PTPRO: variants seen among roughly 807,000 people sequenced by gnomAD.
PTPRO encodes receptor-type tyrosine-protein phosphatase O.
In PTPRO, 62 loss-of-function variants were observed where a neutral mutation model predicts 145.2. The ratio of observed to expected loss-of-function variants is 0.43; its 90% CI spans 0.35 to 0.53. PTPRO has a LOEUF of 0.53. PTPRO is among the 20% of genes least tolerant of loss of function. The pLI is 0.01. For synonymous variants in PTPRO, 565 were observed against 514.7 expected (o/e 1.10, Z -1.32); for missense variants, 1,345 against 1,482.7 (o/e 0.91, Z 1.53).
intron 1 of PTPRO, among the ~76,000 whole-genome samples, chr12:15,325,527 A>C (rs1250480599): frequency 1.3e-5 from 2 of 152,214 alleles, no homozygotes; most frequent in East Asian, 3.8e-4. Flanking sequence ...TTATTTTTAT[A>C]TCAATATTGA....
At chr12:15,529,477 A>AG (rs1942912520) in intron 12 of PTPRO, among the ~76,000 whole-genome samples, 2 of 151,212 alleles carry the variant, frequency 1.3e-5, no homozygotes. Context: ...TAAAAAAAAA[A>AG]AAAAAGGAAA....
intron 19 of PTPRO, among the ~76,000 whole-genome samples, chr12:15,570,500 C>T (rs1340101978): frequency 6.6e-6 from 1 of 152,146 alleles, no homozygotes; most frequent in Non-Finnish European, 1.5e-5. Flanking sequence ...TGAGAAGAAT[C>T]TTATACATTA....
chr12:15,442,031 G>A (rs951743679), intron 1 of PTPRO, among the ~76,000 whole-genome samples: 1 of 151,906 alleles, frequency 6.6e-6, no homozygotes, highest in Non-Finnish European at 1.5e-5. Flanking sequence ...CCAAAACCTG[G>A]CAAAGACACA....
chr12:15,415,055 C>T (rs568863153), intron 1 of PTPRO, among the ~76,000 whole-genome samples: 2 of 152,258 alleles, frequency 1.3e-5, no homozygotes, highest in Admixed American at 1.3e-4. Flanking sequence ...ACGTTCTAAC[C>T]AGGGAAATGG....
At chr12:15,383,256 A>T (rs2136276904) in intron 1 of PTPRO, among the ~76,000 whole-genome samples, 1 of 152,362 alleles carries the variant, frequency 6.6e-6, no homozygotes, top group East Asian at 1.9e-4. Flanking sequence ...CACTAAAAAT[A>T]AAGTCCTCCA....
Position 15,437,454 on chromosome 12 carries a change from C to T in PTPRO, c.76-46520C>T, listed in dbSNP as rs896490323. ...GGTGCAAGGAATCCCTCTCTGTTCA[C>T]ACTCAGGCAGATCACCAGACATTCT... On this transcript the variant is annotated intron_variant, in intron 1 of 26. Coordinates refer to ENST00000281171, the MANE Select transcript of PTPRO (RefSeq NM_030667.3). 2.6e-5 allele frequency among the ~76,000 whole-genome samples: 4 copies of T among 151,750 alleles called. No homozygotes were observed. The East Asian group carries it at 7.8e-4, about 30-fold the overall frequency.
At chr12:15,442,929 A>G (rs1001414558) in intron 1 of PTPRO, among the ~76,000 whole-genome samples, 1 of 152,154 alleles carries the variant, frequency 6.6e-6, no homozygotes, top group Admixed American at 6.5e-5. Context: ...TACTACTCCT[A>G]TCAAGCTACC....
At chr12:15,440,323 G>T in intron 1 of PTPRO, 2 of 484,088 alleles carry the variant, frequency 4.1e-6, no homozygotes, top group East Asian at 4.5e-5. Context: ...CTCCCTATCA[G>T]GAATTCACTG....
At chr12:15,530,937 G>A (rs566979652) in intron 12 of PTPRO, among the ~76,000 whole-genome samples, 1 of 152,026 alleles carries the variant, frequency 6.6e-6, no homozygotes, top group Admixed American at 6.5e-5. Flanking sequence ...ACAACAAAAA[G>A]TTGGTTATTT....
chr12:15,513,108 A>AAAGAAAGG, intron 7 of PTPRO, among the ~76,000 whole-genome samples: 1 of 50,924 alleles, frequency 2.0e-5, no homozygotes, highest in Non-Finnish European at 3.9e-5. Flanking sequence ...AGAAAGAAAG[A>AAAGAAAGG]AAGGAAGGAA....
In PTPRO at chr12:15,501,857, G is replaced by C; in HGVS notation, c.899G>C (p.Trp300Ser). The C allele has an allele frequency of 6.2e-7, 1 of 1,614,080 alleles. No homozygotes were observed. The highest frequency in any genetic ancestry group is 1.7e-5 in the Admixed American group (1 of 60,024). ...DYETTSQPYW[W>S]DSASAAPESE... The stretch of plus-strand genomic sequence containing the variant: ...GAAACTACGTCTCAGCCATATTGGT[G>C]GGACAGTGCATCTGCAGCTCCTGAA... Residue 300 changes from tryptophan (W) to serine (S), a missense_variant, in exon 5 of 27, where the codon TGG (tryptophan) becomes TCG (serine). Trp to Ser is a radical substitution (Grantham distance 177). Transcript: ENST00000281171.
intron 1 of PTPRO, among the ~76,000 whole-genome samples, chr12:15,379,158 C>T (rs1355824878): frequency 6.6e-6 from 1 of 151,896 alleles, no homozygotes; most frequent in Non-Finnish European, 1.5e-5. Context: ...TCATATGACC[C>T]ACACAAAAAT....
intron 1 of PTPRO, among the ~76,000 whole-genome samples, chr12:15,394,153 T>C (rs900682775): frequency 5.9e-5 from 9 of 152,122 alleles, no homozygotes; most frequent in Non-Finnish European, 1.0e-4. Context: ...TTGGAGATTA[T>C]GTTTCAATAT....
chr12:15,588,750 T>C (rs1944482553), intron 24 of PTPRO, among the ~76,000 whole-genome samples: 1 of 152,184 alleles, frequency 6.6e-6, no homozygotes, highest in South Asian at 2.1e-4. Context: ...ATCTGAGGGC[T>C]TAACTCTGAT....
chr12:15,537,195 G>A (rs540623303), intron 12 of PTPRO, among the ~76,000 whole-genome samples: 4 of 152,246 alleles, frequency 2.6e-5, no homozygotes, highest in Admixed American at 1.3e-4. Flanking sequence ...TAAATACTGA[G>A]CAGGCAGTTA....
At position 15,419,716 on chromosome 12, in the gene PTPRO, T is replaced by C. The variant is rs905612512; in HGVS notation, c.76-64258T>C. Reference sequence around the variant, plus strand: ...ACACGAGATACAGCAGAAGAATACGTCAAAGCTAGTTCTTTGGTGTTTTTT... The same window carrying C: ...ACACGAGATACAGCAGAAGAATACGCCAAAGCTAGTTCTTTGGTGTTTTTT... On this transcript the variant is annotated intron_variant, in intron 1 of 26. Transcript: ENST00000281171. Among the ~76,000 whole-genome samples, 33 of 150,140 alleles carry C rather than the reference T, an allele frequency of 2.2e-4. 1 individual carries two copies. The highest frequency in any genetic ancestry group is 7.5e-4 in the African/African-American group (30 of 39,826).
chr12:15,402,319 C>T (rs1939517963), intron 1 of PTPRO, among the ~76,000 whole-genome samples: 1 of 151,178 alleles, frequency 6.6e-6, no homozygotes, highest in Non-Finnish European at 1.5e-5. Flanking sequence ...ACCTGGGAGG[C>T]AGAGATTGCA....
intron 14 of PTPRO, among the ~76,000 whole-genome samples, chr12:15,549,929 G>T (rs949437922): frequency 6.6e-6 from 1 of 151,830 alleles, no homozygotes; most frequent in African/African-American, 2.4e-5. Context: ...TTTTCTTTTT[G>T]GTTTTCTGTT....
At chr12:15,448,636 A>G (rs945897189) in intron 1 of PTPRO, among the ~76,000 whole-genome samples, 2 of 152,156 alleles carry the variant, frequency 1.3e-5, no homozygotes, top group African/African-American at 4.8e-5. Context: ...AAAAATTAAA[A>G]ATAAAACTAC....
Sources: gnomAD v4.1 joint callset for allele counts (sites outside exome capture counted in the v4.1 genomes callset) on GRCh38, gnomAD v4.1.1 for gene constraint, MANE v1.5 for transcripts, NCBI Gene and HGNC (gene_info 2026-07-23, HGNC 2026-07-21) for gene names.